CSMD3: variants seen among roughly 807,000 people sequenced by gnomAD.
The protein encoded by CSMD3 is CUB and sushi domain-containing protein 3.
Under a neutral mutation model 435.2 loss-of-function variants are expected in CSMD3, and 177 were observed. The observed-to-expected ratio is 0.41, with a 90% CI of 0.36 to 0.46. The LOEUF (loss-of-function observed/expected upper bound fraction) is 0.46, where lower values mean the gene tolerates loss of function less well. Ranked by LOEUF, CSMD3 falls within the 20% of genes least tolerant of loss-of-function variation. The pLI is 0.34. For synonymous variants in CSMD3, 1,656 were observed against 1,520.5 expected, an observed-to-expected ratio of 1.09 and a Z score of -2.07; for missense variants, 4,265 against 4,504.6, an observed-to-expected ratio of 0.95 and a Z score of 1.52.
rs114972203 is a variant in CSMD3 at position 112,746,400 on chromosome 8, T to A, written c.1972+53762A>T. Among the ~76,000 whole-genome samples, 754 of 152,240 alleles carry A rather than the reference T, an allele frequency of 5.0e-3. 4 individuals are homozygous for A. Among genetic ancestry groups the A allele is most frequent in the African/African-American group, 0.017 (710 of 41,546 alleles). On this transcript the variant is annotated intron_variant, in intron 13 of 70. Coordinates refer to ENST00000297405, the MANE Select transcript of CSMD3 (RefSeq NM_198123.2). ...TGATTTCAGACAGCACTTAATTGTC[T>A]ACCTTCTTGATTGTGATAGAGTCAG...
chr8:112,638,290 T>G (rs1181104360), intron 21 of CSMD3, among the ~76,000 whole-genome samples: 1 of 150,008 alleles, frequency 6.7e-6, no homozygotes, highest in Non-Finnish European at 1.5e-5. Context: ...CCTAGACACA[T>G]AAAACAAGGA....
intron 1 of CSMD3, among the ~76,000 whole-genome samples, chr8:113,356,636 G>A (rs936755429): frequency 3.3e-5 from 5 of 151,968 alleles, no homozygotes; most frequent in Non-Finnish European, 7.4e-5. Flanking sequence ...TTCTCACTAA[G>A]AACACAACAA....
At chr8:112,893,580 T>G (rs1354469658) in intron 10 of CSMD3, among the ~76,000 whole-genome samples, 1 of 151,514 alleles carries the variant, frequency 6.6e-6, no homozygotes, top group Non-Finnish European at 1.5e-5. Context: ...GAGCAGAGAT[T>G]TAATCCCTGT....
At chr8:112,466,932 G>A (rs575770297) in intron 32 of CSMD3, among the ~76,000 whole-genome samples, 4 of 152,160 alleles carry the variant, frequency 2.6e-5, no homozygotes, top group African/African-American at 9.6e-5. Context: ...ATATCCTAAG[G>A]AAAGATGTTT....
chr8:113,004,176 A>G (rs2085969722), intron 6 of CSMD3, among the ~76,000 whole-genome samples: 1 of 152,018 alleles, frequency 6.6e-6, no homozygotes, highest in African/African-American at 2.4e-5. Context: ...TAGCAACAAA[A>G]TATTAAGGAC....
At chr8:112,390,325 C>G (rs559123495) in intron 36 of CSMD3, among the ~76,000 whole-genome samples, 1 of 152,220 alleles carries the variant, frequency 6.6e-6, no homozygotes, top group Admixed American at 6.5e-5. Flanking sequence ...TGTCTAAGAA[C>G]TAAAACCAAC....
Position 112,954,746 on chromosome 8 carries a change from T to G in CSMD3, c.1358A>C (p.Asp453Ala), listed in dbSNP as rs1425533112. 1 of 1,580,446 alleles carries G rather than the reference T, an allele frequency of 6.3e-7. No homozygotes were observed. Among genetic ancestry groups the G allele is most frequent in the East Asian group, 2.2e-5 (1 of 44,508 alleles). Residue 453 changes from aspartate to alanine, a missense_variant, in exon 8 of 71, where the codon GAT becomes GCT. Physicochemically the swap from Asp to Ala is moderately radical, Grantham distance 126. Coordinates refer to ENST00000297405, the MANE Select transcript of CSMD3 (RefSeq NM_198123.2). ...VVTHRVKKAIDFKSRGFKLFP... is the reference protein window; with the variant it reads ...VVTHRVKKAIAFKSRGFKLFP... ...CAATTTAAATCCTCTAGATTTAAAA[T>G]CTATGGCCTTTTTCACTAGTTAAGA... is the stretch of plus-strand genomic sequence containing the variant.
At chr8:112,406,422 A>T in intron 35 of CSMD3, 102 bp downstream of exon 35, 1 of 612,036 alleles carries the variant, frequency 1.6e-6, no homozygotes, top group Non-Finnish European at 2.8e-6. Flanking sequence ...ATTTAAAATT[A>T]AGTACATAAT....
At chr8:113,340,846 G>A (rs1448891754) in intron 1 of CSMD3, among the ~76,000 whole-genome samples, 2 of 145,466 alleles carry the variant, frequency 1.4e-5, no homozygotes, top group African/African-American at 5.1e-5. Flanking sequence ...TCCAGCGTGG[G>A]CGACAAAGCA....
intron 17 of CSMD3, among the ~76,000 whole-genome samples, chr8:112,658,061 T>A (rs2075297063): frequency 6.6e-6 from 1 of 152,196 alleles, no homozygotes; most frequent in Admixed American, 6.5e-5. Flanking sequence ...CTAGGGTAGT[T>A]ACTAGTTTTA....
intron 22 of CSMD3, among the ~76,000 whole-genome samples, chr8:112,589,524 T>C (rs1418725504): frequency 6.6e-6 from 1 of 152,180 alleles, no homozygotes; most frequent in Non-Finnish European, 1.5e-5. Flanking sequence ...TCACGAATAA[T>C]AGTCATGGTT....
intron 58 of CSMD3, among the ~76,000 whole-genome samples, chr8:112,282,505 A>ATCTT (rs60151693): frequency 0.23 from 35,674 of 151,824 alleles, 4,326 homozygotes; most frequent in East Asian, 0.36. Flanking sequence ...AGATAATGTC[A>ATCTT]TCTTTTAAAA....
chr8:113,135,461 T>C (rs2091394428), intron 4 of CSMD3, among the ~76,000 whole-genome samples: 1 of 151,874 alleles, frequency 6.6e-6, no homozygotes, highest in Admixed American at 6.6e-5. Flanking sequence ...ATGAGTTGAC[T>C]GCATGACAAA....
chr8:112,516,285 T>C (rs1177468712), intron 28 of CSMD3, among the ~76,000 whole-genome samples: 1 of 152,110 alleles, frequency 6.6e-6, no homozygotes, highest in Admixed American at 6.6e-5. Flanking sequence ...AAATTTTCAG[T>C]AGAGAAAACA....
chr8:113,337,413 A>G (rs1260337973), intron 1 of CSMD3, among the ~76,000 whole-genome samples: 4 of 152,150 alleles, frequency 2.6e-5, no homozygotes, highest in African/African-American at 9.6e-5. Context: ...TGTTCAACAA[A>G]TGGAACTGGG....
intron 32 of CSMD3, among the ~76,000 whole-genome samples, chr8:112,419,801 G>A (rs1174226882): frequency 6.6e-6 from 1 of 152,124 alleles, no homozygotes; most frequent in Non-Finnish European, 1.5e-5. Context: ...TCCACTGCAA[G>A]CCAGAAGTTT....
At chr8:112,845,435 A>G (rs1212510679) in intron 11 of CSMD3, among the ~76,000 whole-genome samples, 6 of 152,052 alleles carry the variant, frequency 3.9e-5, no homozygotes, top group Non-Finnish European at 5.9e-5. Flanking sequence ...ATTAATAAAC[A>G]GGGTCACAAG....
intron 33 of CSMD3, 51 bp downstream of exon 33, chr8:112,408,868 A>T (rs752843915): frequency 8.1e-6 from 13 of 1,612,696 alleles, no homozygotes; most frequent in Non-Finnish European, 9.3e-6. Flanking sequence ...ATACTAATCA[A>T]AGTCAGTCTT....
intron 1 of CSMD3, among the ~76,000 whole-genome samples, chr8:113,365,066 T>C (rs1052810883): frequency 6.6e-6 from 1 of 152,106 alleles, no homozygotes; most frequent in Non-Finnish European, 1.5e-5. Flanking sequence ...AATACATTTA[T>C]GTGAAATGTT....
Sources: gnomAD v4.1 joint callset for allele counts (sites outside exome capture counted in the v4.1 genomes callset) on GRCh38, gnomAD v4.1.1 for gene constraint, MANE v1.5 for transcripts, NCBI Gene and HGNC (gene_info 2026-07-23, HGNC 2026-07-21) for gene names.